Variants in CTNNAL1 observed in about 807,000 individuals in gnomAD.
CTNNAL1 encodes alpha-catulin.
A neutral mutation model predicts 93.6 loss-of-function variants in CTNNAL1; 69 were observed. The observed-to-expected ratio is 0.74, with a 90% CI of 0.61 to 0.90. The LOEUF (loss-of-function observed/expected upper bound fraction) is 0.90, where lower values mean the gene tolerates loss of function less well. CTNNAL1 is among the 40% of genes least tolerant of loss of function. The pLI, the probability that CTNNAL1 is intolerant of heterozygous loss-of-function variation, is 0.00. For missense variants in CTNNAL1, 836 were observed against 862.0 expected, an observed-to-expected ratio of 0.97 and a Z score of 0.38; for synonymous variants, 286 against 305.4, an observed-to-expected ratio of 0.94 and a Z score of 0.66.
Position 108,942,669 on chromosome 9 carries a change from T to G in CTNNAL1, c.*100A>C. The G allele has an allele frequency of 1.2e-6, 1 of 861,680 alleles. No homozygotes were observed. The highest frequency in any genetic ancestry group is 1.6e-5 in the South Asian group (1 of 61,996). The allele number at this position is 861,680 out of a possible 1,614,324, so 53.4% of individuals were successfully genotyped here. A position where few individuals can be genotyped will look rare whatever the true frequency, so the allele number is the denominator to read the frequency against. On this transcript the variant is annotated 3_prime_UTR_variant, in exon 19 of 19. Transcript: ENST00000325551. ...AGCAAAATTTCAATATTGTTTTCTT[T>G]ATAAAATTGATGAATTTCTGAAAAG... is the stretch of plus-strand genomic sequence containing the variant.
At chr9:108,971,522 T>G (rs1370161012) in intron 9 of CTNNAL1, among the ~76,000 whole-genome samples, 2 of 152,188 alleles carry the variant, frequency 1.3e-5, no homozygotes. Context: ...ATACTGTTCT[T>G]GTGATATTGA....
chr9:108,953,735 AATG>A (rs1276810843), intron 12 of CTNNAL1, among the ~76,000 whole-genome samples: 2 of 152,322 alleles, frequency 1.3e-5, no homozygotes, highest in East Asian at 3.9e-4. Context: ...GAGATTTTCT[AATG>A]ATGTTTACTA....
intron 2 of CTNNAL1, among the ~76,000 whole-genome samples, chr9:108,996,980 A>T (rs903884623): frequency 2.0e-5 from 3 of 152,190 alleles, no homozygotes; most frequent in African/African-American, 7.2e-5. Context: ...ATGCTTAATT[A>T]AAATAATAAT....
chr9:108,948,650 C>G (rs1470398951), intron 14 of CTNNAL1, among the ~76,000 whole-genome samples: 1 of 152,180 alleles, frequency 6.6e-6, no homozygotes, highest in Non-Finnish European at 1.5e-5. Flanking sequence ...CTGGTAGTAA[C>G]TCAGTTATCT....
Position 108,991,403 on chromosome 9 carries a change from G to A in CTNNAL1, c.520-558C>T, listed in dbSNP as rs542451315. Among the ~76,000 whole-genome samples the A allele has an allele frequency of 2.0e-5, 3 of 152,288 alleles. No individual in the cohort carries two copies. In the South Asian group the frequency reaches 6.2e-4, roughly 32 times the overall value. On this transcript the variant is annotated intron_variant, in intron 3 of 18. Coordinates refer to ENST00000325551, the MANE Select transcript of CTNNAL1 (RefSeq NM_003798.4). ...CATCAGGGGTGAATAAAGAGTGTGTGAATCTGGTAGAGCCAGTGACTAAAA... is the reference window on the plus strand; with the variant it reads ...CATCAGGGGTGAATAAAGAGTGTGTAAATCTGGTAGAGCCAGTGACTAAAA...
intron 1 of CTNNAL1, among the ~76,000 whole-genome samples, chr9:108,999,713 T>A (rs1413055181): frequency 6.6e-6 from 1 of 152,256 alleles, no homozygotes; most frequent in East Asian, 1.9e-4. Flanking sequence ...ATAGTACTTG[T>A]GCCATACATG....
intron 8 of CTNNAL1, among the ~76,000 whole-genome samples, chr9:108,975,034 G>A (rs1219273957): frequency 6.6e-6 from 1 of 151,734 alleles, no homozygotes; most frequent in Non-Finnish European, 1.5e-5. Flanking sequence ...GTGGTGGCGT[G>A]CATCTGTAAT....
At chr9:108,979,129 T>C (rs906141172) in intron 7 of CTNNAL1, 152 bp downstream of exon 7, 1 of 883,100 alleles carries the variant, frequency 1.1e-6, no homozygotes, top group Non-Finnish European at 1.7e-6. Flanking sequence ...AAGGATATTT[T>C]GGCCAACTAG....
chr9:108,958,066 A>AAAAAAAAAAAC (rs1830729863), intron 11 of CTNNAL1, among the ~76,000 whole-genome samples: 1 of 115,118 alleles, frequency 8.7e-6, no homozygotes, highest in Non-Finnish European at 2.1e-5. Flanking sequence ...ACTGTCTCAA[A>AAAAAAAAAAAC]AAAAAAAAAA....
chr9:108,960,568 A>G (rs2132110756), intron 11 of CTNNAL1, among the ~76,000 whole-genome samples: 1 of 152,322 alleles, frequency 6.6e-6, no homozygotes, highest in South Asian at 2.1e-4. Flanking sequence ...GATTCTTGGC[A>G]CGATTGTGAT....
At chr9:108,989,617 T>A (rs994310552) in intron 4 of CTNNAL1, among the ~76,000 whole-genome samples, 101 of 152,270 alleles carry the variant, frequency 6.6e-4, no homozygotes, top group African/African-American at 2.4e-3. Flanking sequence ...TGGTCAATTA[T>A]TATATATATT....
intron 8 of CTNNAL1, among the ~76,000 whole-genome samples, chr9:108,974,491 A>G (rs1196165904): frequency 2.6e-5 from 4 of 152,188 alleles, no homozygotes; most frequent in Admixed American, 2.6e-4. Flanking sequence ...AGTGCCAAGT[A>G]AGATGTGAAA....
At position 108,948,240 on chromosome 9, in the gene CTNNAL1, A is replaced by G; in HGVS notation, c.1836-6T>C. ...TTTTCAGTGGCCCCTCTCCTCTAAAATAAAATTAATTGTTAAGAAGGTAAC... is the reference window on the plus strand; with the variant it reads ...TTTTCAGTGGCCCCTCTCCTCTAAAGTAAAATTAATTGTTAAGAAGGTAAC... On this transcript the variant is annotated splice_region_variant and splice_polypyrimidine_tract_variant and intron_variant, in intron 14 of 18. Transcript: ENST00000325551. 1 of 1,610,310 alleles carries G rather than the reference A, an allele frequency of 6.2e-7. No homozygotes were observed. Among genetic ancestry groups the G allele is most frequent in the Non-Finnish European group, 8.5e-7 (1 of 1,179,062 alleles).
chr9:108,987,185 C>T (rs1165977308), intron 4 of CTNNAL1, among the ~76,000 whole-genome samples: 2 of 151,932 alleles, frequency 1.3e-5, no homozygotes, highest in African/African-American at 4.8e-5. Flanking sequence ...GTCTTTAATC[C>T]GTCTTGAATT....
chr9:108,993,161 T>C (rs376293396), intron 2 of CTNNAL1, among the ~76,000 whole-genome samples: 6 of 152,138 alleles, frequency 3.9e-5, no homozygotes, highest in African/African-American at 1.4e-4. Flanking sequence ...AACCAAAGAA[T>C]ACCCTAAAAC....
intron 15 of CTNNAL1, among the ~76,000 whole-genome samples, chr9:108,946,405 T>G (rs775436457): frequency 7.2e-5 from 11 of 152,110 alleles, no homozygotes; most frequent in Non-Finnish European, 1.3e-4. Context: ...CTTACTCTTC[T>G]GATACACCCA....
chr9:108,960,484 T>C (rs1001564587), intron 11 of CTNNAL1, among the ~76,000 whole-genome samples: 1 of 152,128 alleles, frequency 6.6e-6, no homozygotes, highest in Non-Finnish European at 1.5e-5. Context: ...CAAACGATAA[T>C]GTAAATGCAG....
intron 1 of CTNNAL1, among the ~76,000 whole-genome samples, chr9:109,009,577 T>TA (rs1376014041): frequency 6.6e-6 from 1 of 152,220 alleles, no homozygotes; most frequent in African/African-American, 2.4e-5. Flanking sequence ...CCTGTTCTGA[T>TA]ACCCACATTG....
chr9:108,954,879 A>C (rs892938316), intron 12 of CTNNAL1, among the ~76,000 whole-genome samples: 1 of 151,400 alleles, frequency 6.6e-6, no homozygotes. Context: ...AGACTTTAAT[A>C]TCTCTCTTCA....
Sources: gnomAD v4.1 joint callset for allele counts (sites outside exome capture counted in the v4.1 genomes callset) on GRCh38, gnomAD v4.1.1 for gene constraint, MANE v1.5 for transcripts, NCBI Gene and HGNC (gene_info 2026-07-23, HGNC 2026-07-21) for gene names.